DOCK5: variants seen among roughly 807,000 people sequenced by gnomAD.
The protein encoded by DOCK5 is dedicator of cytokinesis 5.
Under a neutral mutation model 251.8 loss-of-function variants are expected in DOCK5, and 142 were observed. The ratio of observed to expected loss-of-function variants is 0.56; its 90% CI spans 0.49 to 0.65. The LOEUF (loss-of-function observed/expected upper bound fraction) is 0.65. Among genes scored for constraint, DOCK5 ranks in the 30% least tolerant of loss-of-function variants. DOCK5 has a pLI of 0.00. For missense variants in DOCK5, 2,111 were observed against 2,312.3 expected, an observed-to-expected ratio of 0.91 and a Z score of 1.79; for synonymous variants, 842 against 835.5, an observed-to-expected ratio of 1.01 and a Z score of -0.13.
intron 7 of DOCK5, among the ~76,000 whole-genome samples, chr8:25,297,340 C>G (rs564844522): frequency 6.6e-6 from 1 of 152,008 alleles, no homozygotes. Context: ...TCACTGCAAC[C>G]TCTGCCTCCT....
chr8:25,354,102 T>C (rs9644038), intron 27 of DOCK5, among the ~76,000 whole-genome samples: 15,177 of 149,170 alleles, frequency 0.1, 942 homozygotes, highest in East Asian at 0.27. Flanking sequence ...TTATATGTTT[T>C]ATATGTTTAA....
chr8:25,347,650 G>A (rs1027358509), intron 26 of DOCK5, among the ~76,000 whole-genome samples: 9 of 152,242 alleles, frequency 5.9e-5, no homozygotes, highest in African/African-American at 1.9e-4. Context: ...GTTTAGCCAG[G>A]GATCAGTGTT....
In DOCK5 at chr8:25,264,566, C is replaced by T. The variant is rs998943684; in HGVS notation, c.128-4279C>T. ...GGCAGCCAGGCACAGTGGCTCACGCCTGTAATCCCAGCACTTTGGGAGGCC... is the reference window on the plus strand; with the variant it reads ...GGCAGCCAGGCACAGTGGCTCACGCTTGTAATCCCAGCACTTTGGGAGGCC... On this transcript the variant is annotated intron_variant, in intron 2 of 51. Coordinates refer to ENST00000276440, the MANE Select transcript of DOCK5 (RefSeq NM_024940.8). Among the ~76,000 whole-genome samples the T allele has an allele frequency of 2.6e-5, 4 of 151,876 alleles. 1 individual carries two copies. The highest frequency in any genetic ancestry group is 9.7e-5 in the African/African-American group (4 of 41,160).
intron 26 of DOCK5, among the ~76,000 whole-genome samples, chr8:25,350,962 T>A (rs1297948909): frequency 6.6e-6 from 1 of 152,246 alleles, no homozygotes; most frequent in African/African-American, 2.4e-5. Context: ...TCTTGTTTTT[T>A]TCCCTCCAAC....
chr8:25,406,868 C>T (rs535446660), intron 48 of DOCK5, among the ~76,000 whole-genome samples: 7 of 152,010 alleles, frequency 4.6e-5, no homozygotes, highest in Non-Finnish European at 7.4e-5. Context: ...CCTCATGATC[C>T]GCCCACCTCG....
chr8:25,299,887 A>G (rs1563193347), intron 8 of DOCK5, among the ~76,000 whole-genome samples: 1 of 152,190 alleles, frequency 6.6e-6, no homozygotes, highest in Non-Finnish European at 1.5e-5. Context: ...AATGTGGATT[A>G]CAGGGGATAG....
chr8:25,377,646 G>GC (rs1800987815), intron 38 of DOCK5, among the ~76,000 whole-genome samples: 1 of 152,122 alleles, frequency 6.6e-6, no homozygotes, highest in Non-Finnish European at 1.5e-5. Flanking sequence ...GGCTTCCACT[G>GC]CCCCCTCAGG....
rs902383557 is a variant in DOCK5, at chr8:25,377,549, G to A, written c.3936+125G>A. On this transcript the variant is annotated intron_variant, in intron 38 of 51. Transcript: ENST00000276440. ...CCAGGTTCAGGGCACTGTCTCCAACGAGACTGCCCCCGCTTCAGATGCCAT... is the reference window on the plus strand; with the variant it reads ...CCAGGTTCAGGGCACTGTCTCCAACAAGACTGCCCCCGCTTCAGATGCCAT... 37 of 1,238,260 alleles carry A rather than the reference G, an allele frequency of 3.0e-5. No homozygotes were observed. The Admixed American group carries it at 7.9e-4, about 27-fold the overall frequency. The allele number at this position is 1,238,260 out of a possible 1,614,324, so 76.7% of individuals were successfully genotyped here. A position where few individuals can be genotyped will look rare whatever the true frequency, so the allele number is the denominator to read the frequency against.
intron 4 of DOCK5, among the ~76,000 whole-genome samples, chr8:25,278,284 C>T (rs1186658912): frequency 6.6e-6 from 1 of 152,168 alleles, no homozygotes; most frequent in Non-Finnish European, 1.5e-5. Context: ...TGAAGCCAGC[C>T]TGGCTCAGTA....
intron 38 of DOCK5, among the ~76,000 whole-genome samples, chr8:25,379,388 A>G (rs897129063): frequency 1.1e-4 from 16 of 152,130 alleles, no homozygotes; most frequent in Non-Finnish European, 2.1e-4. Flanking sequence ...ATTTAGTGAT[A>G]TCTCTCCTAC....
At chr8:25,392,939 C>T in intron 44 of DOCK5, 57 bp downstream of exon 44, 2 of 1,429,060 alleles carry the variant, frequency 1.4e-6, no homozygotes, top group Middle Eastern at 1.7e-4. Context: ...AATATAATAA[C>T]AGCCTTTGTT....
At chr8:25,327,636 C>T (rs1255671109) in intron 18 of DOCK5, among the ~76,000 whole-genome samples, 4 of 152,160 alleles carry the variant, frequency 2.6e-5, no homozygotes, top group Admixed American at 6.5e-5. Flanking sequence ...ACATCTACTT[C>T]ACCCCATCTT....
intron 1 of DOCK5, among the ~76,000 whole-genome samples, chr8:25,202,083 C>T (rs1801894276): frequency 2.6e-5 from 4 of 152,258 alleles, no homozygotes; most frequent in Admixed American, 2.6e-4. Flanking sequence ...GTGGCACAAT[C>T]GTGGCTCACT....
At chr8:25,313,596 C>T (rs1805156268) in intron 13 of DOCK5, among the ~76,000 whole-genome samples, 2 of 152,168 alleles carry the variant, frequency 1.3e-5, no homozygotes, top group South Asian at 4.1e-4. Context: ...AGCAAAATAC[C>T]ACGGACTGGG....
At chr8:25,315,740 CA>C (rs964625279) in intron 13 of DOCK5, among the ~76,000 whole-genome samples, 6 of 152,210 alleles carry the variant, frequency 3.9e-5, no homozygotes, top group Non-Finnish European at 8.8e-5. Context: ...GACACATTTT[CA>C]GTTTCTCCAT....
intron 1 of DOCK5, among the ~76,000 whole-genome samples, chr8:25,202,686 C>A (rs757800627): frequency 6.6e-6 from 1 of 152,166 alleles, no homozygotes; most frequent in African/African-American, 2.4e-5. Context: ...ATATACAATG[C>A]TGCTTCTATA....
At chr8:25,394,951 T>C (rs1264216811) in intron 44 of DOCK5, among the ~76,000 whole-genome samples, 1 of 151,816 alleles carries the variant, frequency 6.6e-6, no homozygotes, top group Non-Finnish European at 1.5e-5. Context: ...GTGGGGGGTG[T>C]TGGGGGATAG....
intron 13 of DOCK5, among the ~76,000 whole-genome samples, chr8:25,313,373 C>T (rs868029366): frequency 7.9e-5 from 12 of 152,152 alleles, no homozygotes; most frequent in Non-Finnish European, 1.3e-4. Flanking sequence ...TCTAGCCTAG[C>T]GATCAACTCT....
chr8:25,283,551 G>A (rs747205520), intron 5 of DOCK5, among the ~76,000 whole-genome samples: 4 of 152,178 alleles, frequency 2.6e-5, no homozygotes, highest in South Asian at 2.1e-4. Context: ...ATGGGAGCAT[G>A]TGCTTTTGAT....
Sources: allele counts gnomAD v4.1 joint callset (sites outside exome capture counted in the v4.1 genomes callset), GRCh38; gene constraint gnomAD v4.1.1; transcripts MANE v1.5; gene names NCBI Gene and HGNC (gene_info 2026-07-23, HGNC 2026-07-21).